Variants in DLG2 observed in about 807,000 individuals in gnomAD.
DLG2 encodes the protein discs large MAGUK scaffold protein 2.
In DLG2, 45 loss-of-function variants were observed where a neutral mutation model predicts 132.5. That is an observed-to-expected ratio of 0.34 (90% CI 0.27 to 0.44). The LOEUF is 0.44. Among genes scored for constraint, DLG2 ranks in the 20% least tolerant of loss-of-function variants. DLG2 has a pLI of 1.00. For synonymous variants in DLG2, 424 were observed against 419.6 expected, an observed-to-expected ratio of 1.01 and a Z score of -0.13; for missense variants, 1,045 against 1,196.9, an observed-to-expected ratio of 0.87 and a Z score of 1.87.
intron 22 of DLG2, among the ~76,000 whole-genome samples, chr11:83,482,862 A>C (rs553702991): frequency 5.9e-5 from 9 of 152,104 alleles, no homozygotes; most frequent in Admixed American, 5.2e-4. Context: ...AGAAGAAAGA[A>C]CATAAAGTAC....
At chr11:84,600,202 AAGAAAG>A (rs1449975432) in intron 6 of DLG2, among the ~76,000 whole-genome samples, 12 of 137,172 alleles carry the variant, frequency 8.7e-5, no homozygotes, top group Admixed American at 6.4e-4. Flanking sequence ...GAAAGAAAGA[AAGAAAG>A]AAAGAAAGAA....
Position 84,486,447 on chromosome 11 carries a change from G to C in DLG2, c.519+48123C>G, listed in dbSNP as rs200316775. Among the ~76,000 whole-genome samples the C allele has an allele frequency of 5.3e-5, 8 of 152,196 alleles. No individual in the cohort carries two copies. The East Asian group carries it at 1.5e-3, about 29-fold the overall frequency. ...ACCACCTAGGCCAAATGAAGTTACT[G>C]ATTCTGCTTTTTCTTTAGGTTCTTC... On this transcript the variant is annotated intron_variant, in intron 7 of 27. Coordinates refer to ENST00000376104, the MANE Select transcript of DLG2 (RefSeq NM_001142699.3).
At chr11:84,141,614 T>A (rs1213614049) in intron 9 of DLG2, among the ~76,000 whole-genome samples, 1 of 152,108 alleles carries the variant, frequency 6.6e-6, no homozygotes, top group East Asian at 1.9e-4. Context: ...GACTCCAGAT[T>A]TTCCTTTGGT....
At chr11:85,617,826 C>T (rs1434090302) in intron 2 of DLG2, among the ~76,000 whole-genome samples, 1 of 152,130 alleles carries the variant, frequency 6.6e-6, no homozygotes, top group African/African-American at 2.4e-5. Context: ...CTGATAGAAG[C>T]TTCAAAATTG....
intron 7 of DLG2, among the ~76,000 whole-genome samples, chr11:84,493,907 A>C (rs938547722): frequency 6.6e-6 from 1 of 152,166 alleles, no homozygotes; most frequent in African/African-American, 2.4e-5. Context: ...TGAGGTAAGT[A>C]TCTTGGCCCC....
chr11:84,163,619 T>A, intron 8 of DLG2, 108 bp from the exon 9 acceptor site: 1 of 837,024 alleles, frequency 1.2e-6, no homozygotes, highest in Non-Finnish European at 1.9e-6. Flanking sequence ...TAGCTATAAA[T>A]AACCACATTT....
intron 6 of DLG2, among the ~76,000 whole-genome samples, chr11:84,686,278 T>C (rs539872645): frequency 6.6e-6 from 1 of 152,298 alleles, no homozygotes; most frequent in Admixed American, 6.5e-5. Context: ...GTAAAGGACT[T>C]TGTCCAAAGA....
intron 16 of DLG2, among the ~76,000 whole-genome samples, chr11:83,849,736 C>T (rs990177075): frequency 1.7e-4 from 23 of 137,944 alleles, no homozygotes; most frequent in Non-Finnish European, 2.3e-4. Flanking sequence ...GGAAGTTTTA[C>T]AATCTGGAGC....
intron 8 of DLG2, among the ~76,000 whole-genome samples, chr11:84,220,560 T>C (rs78182948): frequency 0.022 from 3,334 of 152,292 alleles, 118 homozygotes; most frequent in African/African-American, 0.075. Flanking sequence ...AATGCTATTC[T>C]ATAATTTTAT....
chr11:85,418,573 G>C (rs1034083905), intron 3 of DLG2, among the ~76,000 whole-genome samples: 3 of 152,156 alleles, frequency 2.0e-5, no homozygotes, highest in African/African-American at 4.8e-5. Context: ...CTGTGTGGGA[G>C]TCTATGTCTC....
intron 3 of DLG2, among the ~76,000 whole-genome samples, chr11:85,311,146 GC>G (rs1157499784): frequency 6.6e-6 from 1 of 152,088 alleles, no homozygotes; most frequent in Non-Finnish European, 1.5e-5. Context: ...ATGACCCACA[GC>G]CTAAAATATT....
intron 18 of DLG2, among the ~76,000 whole-genome samples, chr11:83,673,682 T>G (rs892672304): frequency 1.3e-5 from 2 of 152,300 alleles, no homozygotes; most frequent in Middle Eastern, 3.4e-3. Context: ...TCTTGAACAT[T>G]GTGGGAAATG....
intron 4 of DLG2, among the ~76,000 whole-genome samples, chr11:85,205,338 A>G (rs2081807810): frequency 6.6e-6 from 1 of 151,972 alleles, no homozygotes; most frequent in African/African-American, 2.4e-5. Context: ...AAAAAAGTGG[A>G]TCTCATGGAG....
At chr11:85,484,589 A>C (rs1481628286) in intron 3 of DLG2, among the ~76,000 whole-genome samples, 1 of 152,026 alleles carries the variant, frequency 6.6e-6, no homozygotes, top group Admixed American at 6.6e-5. Flanking sequence ...CAGCCAAAAA[A>C]CACATGAAAA....
chr11:85,352,410 C>T (rs530472659), intron 3 of DLG2, among the ~76,000 whole-genome samples: 20 of 152,182 alleles, frequency 1.3e-4, no homozygotes, highest in Non-Finnish European at 2.4e-4. Flanking sequence ...CTATCTCCTT[C>T]AGTTCTGCTC....
At chr11:84,717,726 T>C (rs1565761434) in intron 6 of DLG2, among the ~76,000 whole-genome samples, 1 of 152,026 alleles carries the variant, frequency 6.6e-6, no homozygotes, top group Non-Finnish European at 1.5e-5. Flanking sequence ...GTGGGAGCAG[T>C]TTCTCCTATA....
intron 6 of DLG2, among the ~76,000 whole-genome samples, chr11:84,667,010 A>G (rs1327554666): frequency 1.3e-5 from 2 of 152,050 alleles, no homozygotes; most frequent in Non-Finnish European, 2.9e-5. Context: ...TTTTGCCTGA[A>G]TTTTGTTTTA....
chr11:85,080,590 G>A (rs566581408), intron 6 of DLG2, among the ~76,000 whole-genome samples: 42 of 152,170 alleles, frequency 2.8e-4, no homozygotes, highest in Middle Eastern at 3.4e-3. Context: ...ATGAGGCTTC[G>A]GTTAACTTGA....
At chr11:85,033,993 G>A (rs748893565) in intron 6 of DLG2, among the ~76,000 whole-genome samples, 16 of 152,024 alleles carry the variant, frequency 1.1e-4, no homozygotes, top group Non-Finnish European at 2.2e-4. Context: ...TAATTGATGT[G>A]AAGGACTTTG....
Sources: gnomAD v4.1 joint callset for allele counts (sites outside exome capture counted in the v4.1 genomes callset) on GRCh38, gnomAD v4.1.1 for gene constraint, MANE v1.5 for transcripts, NCBI Gene and HGNC (gene_info 2026-07-23, HGNC 2026-07-21) for gene names.